NDUFAF6: variants seen among roughly 807,000 people sequenced by gnomAD.
NDUFAF6 encodes NADH dehydrogenase (ubiquinone) complex I, assembly factor 6.
In NDUFAF6, 45 loss-of-function variants were observed where a neutral mutation model predicts 40.8. The ratio of observed to expected loss-of-function variants is 1.10; its 90% CI spans 0.87 to 1.42. NDUFAF6 has a LOEUF of 1.42. Ranked by LOEUF, NDUFAF6 falls within the 40% of genes most tolerant of loss-of-function variation. The pLI is 0.00. For synonymous variants in NDUFAF6, 185 were observed against 155.9 expected, an observed-to-expected ratio of 1.19 and a Z score of -1.39; for missense variants, 435 against 418.5, an observed-to-expected ratio of 1.04 and a Z score of -0.34.
At chr8:95,107,483 G>A (rs1809873902), downstream of NDUFAF6, among the ~76,000 whole-genome samples, 1 of 152,142 alleles carries the variant, frequency 6.6e-6, no homozygotes, top group African/African-American at 2.4e-5. Flanking sequence ...TGTCGGAGGG[G>A]TAGGAGGACA....
chr8:95,022,914 T>C (rs1282854305), upstream of NDUFAF6, among the ~76,000 whole-genome samples: 1 of 149,942 alleles, frequency 6.7e-6, no homozygotes. Context: ...GAGTAAGTGA[T>C]GAGAGAGAGA....
downstream of NDUFAF6, among the ~76,000 whole-genome samples, chr8:95,077,491 C>T (rs373729191): frequency 1.3e-4 from 20 of 152,242 alleles, no homozygotes; most frequent in Middle Eastern, 3.4e-3. Context: ...AGATGCTGGA[C>T]GAAAGGATGA....
chr8:94,956,482 G>C (rs956344), upstream of NDUFAF6, among the ~76,000 whole-genome samples: 1 of 152,208 alleles, frequency 6.6e-6, no homozygotes, highest in Non-Finnish European at 1.5e-5. Flanking sequence ...GTGAGGGAAA[G>C]AGACTGGAGA....
At chr8:94,952,907 G>T (rs493506) in intron 2 of NDUFAF6, among the ~76,000 whole-genome samples, 126,757 of 152,188 alleles carry the variant, frequency 0.83, 54,590 homozygotes, top group Non-Finnish European at 0.93. Flanking sequence ...TGCTAGGGGG[G>T]AGTCCCCAAG....
At chr8:95,105,396 G>C (rs937664516), downstream of NDUFAF6, among the ~76,000 whole-genome samples, 1 of 150,868 alleles carries the variant, frequency 6.6e-6, no homozygotes, top group Non-Finnish European at 1.5e-5. Flanking sequence ...GTCTCACTCT[G>C]TTGCCCAGGC....
intron 1 of NDUFAF6, chr8:94,939,648 T>G (rs1821324284): frequency 1.6e-6 from 1 of 622,152 alleles, no homozygotes; most frequent in Admixed American, 2.8e-5. Flanking sequence ...TCTGCCTGCC[T>G]TGGCCTCCCA....
chr8:95,066,287 C>CCT (rs1353918793), intron 9 of NDUFAF6, among the ~76,000 whole-genome samples: 20 of 82,906 alleles, frequency 2.4e-4, no homozygotes, highest in African/African-American at 9.7e-4. Flanking sequence ...TGCTTGCTTG[C>CCT]TTTTTTTTTT....
chr8:94,976,207 A>AAAT, intron 1 of NDUFAF6, among the ~76,000 whole-genome samples: 1 of 75,434 alleles, frequency 1.3e-5, no homozygotes, highest in East Asian at 3.7e-4. Flanking sequence ...AAAAAAAAAA[A>AAAT]AAATACTGAT....
intron 2 of NDUFAF6, chr8:95,087,506 C>T (rs1809091233): frequency 6.6e-6 from 1 of 152,194 alleles, no homozygotes; most frequent in African/African-American, 2.4e-5. Flanking sequence ...CATTTCTCTA[C>T]CTGTTTCCTG....
intron 7 of NDUFAF6, among the ~76,000 whole-genome samples, chr8:95,049,984 C>G (rs1831249441): frequency 6.6e-6 from 1 of 152,228 alleles, no homozygotes; most frequent in Non-Finnish European, 1.5e-5. Flanking sequence ...CAAAGACTAT[C>G]TTCAGCTTCT....
At chr8:95,103,026 C>T (rs947061932) in exon 3 of NDUFAF6, 1 of 152,166 alleles carries the variant, frequency 6.6e-6, no homozygotes, top group Admixed American at 6.5e-5. Context: ...GTGGCAACTC[C>T]AGGCTTTTAG....
At chr8:94,956,435 G>A (rs979507504), upstream of NDUFAF6, among the ~76,000 whole-genome samples, 3 of 152,192 alleles carry the variant, frequency 2.0e-5, no homozygotes, top group African/African-American at 7.2e-5. Context: ...CCATGCCACA[G>A]GGGTGCTTAG....
At chr8:94,947,271 C>A (rs1264168602) in intron 2 of NDUFAF6, among the ~76,000 whole-genome samples, 2 of 119,398 alleles carry the variant, frequency 1.7e-5, no homozygotes, top group African/African-American at 5.6e-5. Flanking sequence ...CAGTAGGCGG[C>A]TCCAAAAAAT....
intron 2 of NDUFAF6, among the ~76,000 whole-genome samples, chr8:95,081,926 C>T (rs553389598): frequency 1.3e-5 from 2 of 152,108 alleles, no homozygotes; most frequent in South Asian, 4.1e-4. Flanking sequence ...ATTAGCCGGG[C>T]GTGGTGGCGG....
chr8:94,950,033 G>C (rs1021949601), intron 2 of NDUFAF6: 5 of 152,202 alleles, frequency 3.3e-5, no homozygotes, highest in African/African-American at 1.2e-4. Context: ...GATTCCGCCT[G>C]CCTATAGGCG....
At chr8:95,082,335 T>G (rs1247209530) in intron 2 of NDUFAF6, among the ~76,000 whole-genome samples, 1 of 151,784 alleles carries the variant, frequency 6.6e-6, no homozygotes. Context: ...AAAGAAAAAC[T>G]AATAGTGCAG....
chr8:95,078,406 G>A (rs1808700896), downstream of NDUFAF6: 1 of 152,110 alleles, frequency 6.6e-6, no homozygotes, highest in African/African-American at 2.4e-5. Context: ...CACTTTGTGA[G>A]GCCAGGGCAG....
intron 9 of NDUFAF6, among the ~76,000 whole-genome samples, chr8:95,075,179 G>GC (rs1305597046): frequency 6.6e-6 from 1 of 152,170 alleles, no homozygotes; most frequent in Non-Finnish European, 1.5e-5. Context: ...AGAGATTCCT[G>GC]CTGATTTTTC....
At chr8:94,985,476 TATATA>T (rs1825745631) in intron 2 of NDUFAF6, among the ~76,000 whole-genome samples, 6 of 1,634 alleles carry the variant, frequency 3.7e-3, no homozygotes, top group East Asian at 0.028. Context: ...ATTATATATA[TATATA>T]TATATATATA....
Sources: allele counts gnomAD v4.1 joint callset (sites outside exome capture counted in the v4.1 genomes callset), GRCh38; gene constraint gnomAD v4.1.1; transcripts MANE v1.5; gene names NCBI Gene and HGNC (gene_info 2026-07-23, HGNC 2026-07-21).